ZCCHC7: variants seen among roughly 807,000 people sequenced by gnomAD.
The protein encoded by ZCCHC7 is zinc finger CCHC-type containing 7.
A neutral mutation model predicts 52.0 loss-of-function variants in ZCCHC7; 35 were observed. The ratio of observed to expected loss-of-function variants is 0.67; its 90% CI spans 0.51 to 0.89. The LOEUF is 0.89. Among genes scored for constraint, ZCCHC7 ranks in the 40% least tolerant of loss-of-function variants. The pLI, the probability that ZCCHC7 is intolerant of heterozygous loss-of-function variation, is 0.00. For missense variants in ZCCHC7, 574 were observed against 649.1 expected (o/e 0.88, Z 1.26); for synonymous variants, 217 against 221.5 (o/e 0.98, Z 0.18).
chr9:37,357,852 T>TA lies in ZCCHC7; in HGVS notation c.*585dup, dbSNP rs1305726194. ...GGCAGGGAATTGAGCTTCAGCAAAA[T>TA]ACAGGAAAAGAACTATCCAGTATAA... On this transcript the variant is annotated 3_prime_UTR_variant, in exon 9 of 9. Transcript: ENST00000336755. The TA allele has an allele frequency of 6.6e-6, 1 of 152,132 alleles. No homozygotes were observed. The highest frequency in any genetic ancestry group is 1.5e-5 in the Non-Finnish European group (1 of 68,030). The allele number at this position is 152,132 out of a possible 1,614,324, so 9.4% of individuals were successfully genotyped here. A position where few individuals can be genotyped will look rare whatever the true frequency, so the allele number is the denominator to read the frequency against.
At chr9:37,318,390 G>A (rs140857173) in intron 5 of ZCCHC7, among the ~76,000 whole-genome samples, 5 of 151,316 alleles carry the variant, frequency 3.3e-5, no homozygotes, top group African/African-American at 9.7e-5. Flanking sequence ...GAAACTGGGA[G>A]GCAGAGGTTG....
chr9:37,186,686 AT>A (rs1822675946), intron 2 of ZCCHC7: 3 of 591,982 alleles, frequency 5.1e-6, no homozygotes, highest in Non-Finnish European at 6.4e-6. Context: ...ATATTTACAG[AT>A]TCAAATATTT....
At chr9:37,242,138 T>C (rs563558187) in intron 2 of ZCCHC7, among the ~76,000 whole-genome samples, 1 of 151,890 alleles carries the variant, frequency 6.6e-6, no homozygotes, top group African/African-American at 2.4e-5. Flanking sequence ...AATATTTGGC[T>C]GCCAAATAAG....
intron 2 of ZCCHC7, among the ~76,000 whole-genome samples, chr9:37,265,975 C>T (rs1827087222): frequency 6.6e-6 from 1 of 152,104 alleles, no homozygotes; most frequent in Non-Finnish European, 1.5e-5. Flanking sequence ...TTCCTTCATC[C>T]CCTCCCCAAA....
chr9:37,279,821 G>A (rs1478174620), intron 2 of ZCCHC7, among the ~76,000 whole-genome samples: 1 of 151,926 alleles, frequency 6.6e-6, no homozygotes, highest in Non-Finnish European at 1.5e-5. Flanking sequence ...AATCAGGTAA[G>A]TAAACTTTGA....
intron 2 of ZCCHC7, among the ~76,000 whole-genome samples, chr9:37,263,136 C>T (rs1826944562): frequency 1.3e-5 from 2 of 151,984 alleles, no homozygotes; most frequent in Non-Finnish European, 2.9e-5. Context: ...TTTTAATTCT[C>T]TATTCTTCAA....
rs185319543 is a variant in ZCCHC7, at chr9:37,197,841, T to C, written c.610+70899T>C. Among the ~76,000 whole-genome samples, 4 of 152,302 alleles carry C rather than the reference T, an allele frequency of 2.6e-5. No individual in the cohort carries two copies. In the East Asian group the frequency reaches 7.7e-4, roughly 29 times the overall value. ...TTGTCTCTTTGGCATAGCAGCCAAA[T>C]ATTCTGAAGTGAAATTGTGGATACT... is the stretch of plus-strand genomic sequence containing the variant. On this transcript the variant is annotated intron_variant, in intron 2 of 8. Transcript: ENST00000336755.
chr9:37,315,894 G>A (rs1029910240), intron 5 of ZCCHC7, among the ~76,000 whole-genome samples: 1 of 146,744 alleles, frequency 6.8e-6, no homozygotes, highest in African/African-American at 2.5e-5. Flanking sequence ...AGGGAAGGTA[G>A]TAGTGGGTAG....
At chr9:37,221,173 G>C (rs992652058) in intron 2 of ZCCHC7, among the ~76,000 whole-genome samples, 1 of 152,174 alleles carries the variant, frequency 6.6e-6, no homozygotes, top group African/African-American at 2.4e-5. Context: ...GCCTTAAGAA[G>C]CTGTTAAAAG....
rs1825229619 is a variant in ZCCHC7, at chr9:37,228,467, C to T, written c.611-73721C>T. ...GCACAGTCGTGGCTAACTGCAGCCT[C>T]GAACTCCTAGGCTCAAGTAGTTCTC... On this transcript the variant is annotated intron_variant, in intron 2 of 8. Coordinates refer to ENST00000336755, the MANE Select transcript of ZCCHC7 (RefSeq NM_032226.3). Among the ~76,000 whole-genome samples the T allele has an allele frequency of 2.6e-5, 4 of 151,950 alleles. No individual in the cohort carries two copies. In the South Asian group the frequency reaches 8.3e-4, roughly 32 times the overall value.
intron 2 of ZCCHC7, among the ~76,000 whole-genome samples, chr9:37,130,578 C>T (rs144837215): frequency 0.087 from 13,101 of 150,012 alleles, 773 homozygotes; most frequent in Middle Eastern, 0.16. Context: ...CTGCAAGCTG[C>T]GCCTCCCGGG....
chr9:37,163,799 C>G (rs1821250310), intron 2 of ZCCHC7, among the ~76,000 whole-genome samples: 1 of 152,120 alleles, frequency 6.6e-6, no homozygotes, highest in Non-Finnish European at 1.5e-5. Flanking sequence ...TTATAGAAAT[C>G]TTACAGTTTT....
chr9:37,210,487 ACAC>A (rs1388776545), intron 2 of ZCCHC7, among the ~76,000 whole-genome samples: 1 of 152,148 alleles, frequency 6.6e-6, no homozygotes, highest in Non-Finnish European at 1.5e-5. Context: ...TATGTAGAAA[ACAC>A]CAAGATTTTT....
At chr9:37,235,385 T>G (rs532379467) in intron 2 of ZCCHC7, among the ~76,000 whole-genome samples, 1 of 152,314 alleles carries the variant, frequency 6.6e-6, no homozygotes, top group African/African-American at 2.4e-5. Flanking sequence ...TTATTTCATT[T>G]AATATAATGT....
chr9:37,236,518 A>G (rs1370883316), intron 2 of ZCCHC7, among the ~76,000 whole-genome samples: 1 of 151,768 alleles, frequency 6.6e-6, no homozygotes, highest in African/African-American at 2.4e-5. Context: ...CAGCCTCCCG[A>G]GTAGCTGGGA....
At chr9:37,239,510 G>A (rs1825792055) in intron 2 of ZCCHC7, among the ~76,000 whole-genome samples, 1 of 152,080 alleles carries the variant, frequency 6.6e-6, no homozygotes, top group East Asian at 1.9e-4. Flanking sequence ...TAAAAGAACT[G>A]AACAAAGGCA....
intron 2 of ZCCHC7, among the ~76,000 whole-genome samples, chr9:37,298,200 TTGTC>T (rs1278530888): frequency 6.6e-6 from 1 of 152,180 alleles, no homozygotes; most frequent in Non-Finnish European, 1.5e-5. Flanking sequence ...TATGCAGTAA[TTGTC>T]TGTATGTGTA....
At chr9:37,229,431 G>T (rs764169807) in intron 2 of ZCCHC7, among the ~76,000 whole-genome samples, 2 of 152,094 alleles carry the variant, frequency 1.3e-5, no homozygotes, top group Non-Finnish European at 2.9e-5. Flanking sequence ...AGATGGCATA[G>T]CCTCATGCAC....
intron 2 of ZCCHC7, among the ~76,000 whole-genome samples, chr9:37,172,509 G>A (rs1464827588): frequency 6.6e-6 from 1 of 152,074 alleles, no homozygotes; most frequent in Non-Finnish European, 1.5e-5. Flanking sequence ...ATTTTTAAAG[G>A]CATTTCTTCT....
Sources: allele counts gnomAD v4.1 joint callset (sites outside exome capture counted in the v4.1 genomes callset), GRCh38; gene constraint gnomAD v4.1.1; transcripts MANE v1.5; gene names NCBI Gene and HGNC (gene_info 2026-07-23, HGNC 2026-07-21).